Variants in TDP1 observed in about 807,000 individuals in gnomAD.
The protein encoded by TDP1 is tyrosyl-DNA phosphodiesterase 1.
Under a neutral mutation model 81.5 loss-of-function variants are expected in TDP1, and 64 were observed. The observed-to-expected ratio is 0.79, with a 90% confidence interval of 0.64 to 0.97. The LOEUF (loss-of-function observed/expected upper bound fraction) is 0.97, where lower values mean the gene tolerates loss of function less well. TDP1 is among the 50% of genes least tolerant of loss of function. The probability of loss-of-function intolerance (pLI) is 0.00; values close to 1 mark genes in which losing one functional copy is unlikely to be tolerated. For missense variants in TDP1, 723 were observed against 743.8 expected (o/e 0.97, Z 0.33); for synonymous variants, 256 against 264.3 (o/e 0.97, Z 0.30).
At chr14:89,979,288 G>A (rs1894708171) in intron 7 of TDP1, among the ~76,000 whole-genome samples, 2 of 152,070 alleles carry the variant, frequency 1.3e-5, no homozygotes, top group South Asian at 4.1e-4. Flanking sequence ...GGAATGTACA[G>A]GTGAGAGTGT....
chr14:89,981,534 C>T lies in TDP1; in HGVS notation c.884+902C>T, dbSNP rs150807928. On this transcript the variant is annotated intron_variant, in intron 8 of 16. Transcript: ENST00000335725. ...ACAGCCTTCTGTGTTGGGAGAAACT[C>T]GGACGTTTGTCTAGCACCATTTCCA... is the stretch of plus-strand genomic sequence containing the variant. 6.3e-4 allele frequency: 284 copies of T among 452,772 alleles called. 2 individuals are homozygous for T. Among genetic ancestry groups the T allele is most frequent in the African/African-American group, 5.1e-3 (257 of 50,006 alleles). The allele number at this position is 452,772 out of a possible 1,614,324, so 28.0% of individuals were successfully genotyped here.
chr14:89,975,849 A>G, intron 7 of TDP1, 34 bp downstream of exon 7: 2 of 1,575,294 alleles, frequency 1.3e-6, no homozygotes, highest in African/African-American at 2.7e-5. Context: ...GGAACCCCTC[A>G]AGCATTGTCA....
chr14:89,998,372 T>TTATATATATATATATA (rs58264054), intron 14 of TDP1, among the ~76,000 whole-genome samples: 5 of 53,122 alleles, frequency 9.4e-5, no homozygotes, highest in African/African-American at 2.5e-4. Flanking sequence ...TCCAAGCACA[T>TTATATATATATATATA]TATATATATA....
At chr14:89,962,830 C>T in intron 2 of TDP1, 1 of 775,116 alleles carries the variant, frequency 1.3e-6, no homozygotes. Flanking sequence ...TGAGATTGAA[C>T]CACTGCACCA....
chr14:90,007,748 A>G (rs1274487364), intron 14 of TDP1, among the ~76,000 whole-genome samples: 2 of 151,784 alleles, frequency 1.3e-5, no homozygotes, highest in African/African-American at 2.4e-5. Flanking sequence ...TGGGACAGGT[A>G]TGCACCACCA....
chr14:89,971,120 G>A (rs376632782), intron 5 of TDP1, 55 bp from the exon 6 acceptor site: 39 of 1,483,832 alleles, frequency 2.6e-5, no homozygotes, highest in South Asian at 1.7e-4. Context: ...ACAGGTGTGA[G>A]CCACTGAGCC....
chr14:89,976,555 T>TTTA (rs1555385708), intron 7 of TDP1, among the ~76,000 whole-genome samples: 7 of 132,872 alleles, frequency 5.3e-5, no homozygotes, highest in African/African-American at 1.9e-4. Context: ...TTTTTTTTTT[T>TTTA]AGACAGAGTC....
chr14:89,972,014 G>A (rs533055764), intron 6 of TDP1, among the ~76,000 whole-genome samples: 13 of 152,294 alleles, frequency 8.5e-5, no homozygotes, highest in Middle Eastern at 3.4e-3. Context: ...TATGATCTAA[G>A]TCCAATGTGG....
rs569269773 is a variant in TDP1, at chr14:90,001,510, A to G, written c.1541+8027A>G. ...TTATAATTATCATGCTTCATTTCCTACCAGAATACTCATTGTGATCTTTGG... is the reference window on the plus strand; with the variant it reads ...TTATAATTATCATGCTTCATTTCCTGCCAGAATACTCATTGTGATCTTTGG... On this transcript the variant is annotated intron_variant, in intron 14 of 16. Transcript: ENST00000335725. Among the ~76,000 whole-genome samples the G allele has an allele frequency of 1.4e-4, 21 of 152,274 alleles. No homozygotes were observed. The South Asian group carries it at 4.4e-3, about 32-fold the overall frequency.
At chr14:89,999,073 GTC>G (rs992130905) in intron 14 of TDP1, among the ~76,000 whole-genome samples, 1 of 152,104 alleles carries the variant, frequency 6.6e-6, no homozygotes, top group African/African-American at 2.4e-5. Context: ...CAAATAGTGT[GTC>G]TCTCAACAGG....
intron 14 of TDP1, chr14:90,019,104 A>G (rs1394510563): frequency 2.0e-6 from 2 of 982,934 alleles, no homozygotes; most frequent in Non-Finnish European, 2.4e-6. Flanking sequence ...TGAGGGTGAA[A>G]CTATCCCAAA....
intron 7 of TDP1, chr14:89,980,242 G>A: frequency 1.0e-6 from 1 of 985,418 alleles, no homozygotes; most frequent in Middle Eastern, 5.2e-4. Context: ...AGTAGTAACA[G>A]GTAATGCTGA....
chr14:89,989,635 T>C, intron 11 of TDP1, 82 bp from the exon 12 acceptor site: 1 of 1,257,802 alleles, frequency 8.0e-7, no homozygotes, highest in Non-Finnish European at 1.1e-6. Flanking sequence ...TTAACAGATT[T>C]TCATTTCCTT....
At chr14:89,981,745 A>T (rs1424211741) in intron 8 of TDP1, among the ~76,000 whole-genome samples, 3 of 151,994 alleles carry the variant, frequency 2.0e-5, no homozygotes, top group African/African-American at 7.3e-5. Context: ...CAATGCTGTG[A>T]TGCGATCACG....
At chr14:90,031,529 T>A (rs1182798509) in intron 15 of TDP1, among the ~76,000 whole-genome samples, 2 of 151,922 alleles carry the variant, frequency 1.3e-5, no homozygotes, top group Non-Finnish European at 2.9e-5. Flanking sequence ...TGGTGGTGCA[T>A]GCTTGTAATC....
At chr14:89,959,687 C>G (rs1451677785) in intron 2 of TDP1, among the ~76,000 whole-genome samples, 1 of 152,014 alleles carries the variant, frequency 6.6e-6, no homozygotes, top group Admixed American at 6.6e-5. Flanking sequence ...TATTTTTTAT[C>G]CTCTTGTCCT....
rs574873435 is a variant in TDP1 at position 90,017,706 on chromosome 14, G to C, written c.1542-1610G>C. 2.6e-5 allele frequency among the ~76,000 whole-genome samples: 4 copies of C among 152,318 alleles called. No homozygotes were observed. The South Asian group carries it at 8.3e-4, about 32-fold the overall frequency. Reference sequence around the variant, plus strand: ...GAAAAACACCTCAGACCCACTGGTTGGTTTTGCCGTTAGACTTTCCTCTTC... The same window carrying C: ...GAAAAACACCTCAGACCCACTGGTTCGTTTTGCCGTTAGACTTTCCTCTTC... On this transcript the variant is annotated intron_variant, in intron 14 of 16. Coordinates refer to ENST00000335725, the MANE Select transcript of TDP1 (RefSeq NM_018319.4).
chr14:90,009,109 A>T (rs1388035392), intron 14 of TDP1, among the ~76,000 whole-genome samples: 3 of 152,138 alleles, frequency 2.0e-5, no homozygotes, highest in Admixed American at 2.0e-4. Flanking sequence ...CTTGCTCATG[A>T]TGGATTTGGA....
intron 11 of TDP1, 25 bp downstream of exon 11, chr14:89,989,115 A>C: frequency 6.5e-7 from 1 of 1,530,998 alleles, no homozygotes; most frequent in Non-Finnish European, 8.9e-7. Context: ...TCATTGAGGT[A>C]GTTTACTTTT....
Sources: allele counts gnomAD v4.1 joint callset (sites outside exome capture counted in the v4.1 genomes callset), GRCh38; gene constraint gnomAD v4.1.1; transcripts MANE v1.5; gene names NCBI Gene and HGNC (gene_info 2026-07-23, HGNC 2026-07-21).